Variants in AFG2A observed in about 807,000 individuals in gnomAD.
AFG2A encodes the protein ATPase family gene 2 protein homolog A.
At chr4:123,186,237 T>C in the AFG2A span, among the ~76,000 whole-genome samples, 163 of 152,352 alleles carry the variant, frequency 1.1e-3, no homozygotes, top group Middle Eastern at 0.01. Context: ...AAATAGATCA[T>C]TTATGTGTTT....
chr4:122,933,453 A>C, the AFG2A span: 2 of 1,612,514 alleles, frequency 1.2e-6, no homozygotes, highest in Non-Finnish European at 1.7e-6. Context: ...AAAGATATGG[A>C]AATTAATGAA....
At chr4:123,076,429 T>G in the AFG2A span, among the ~76,000 whole-genome samples, 4 of 152,212 alleles carry the variant, frequency 2.6e-5, no homozygotes. Context: ...TCTTTTAACT[T>G]AGTTATCTGT....
the AFG2A span, among the ~76,000 whole-genome samples, chr4:123,046,990 A>G: frequency 6.6e-6 from 1 of 152,150 alleles, no homozygotes; most frequent in Non-Finnish European, 1.5e-5. Context: ...TAATGGCTAA[A>G]TAATAATTGA....
the AFG2A span, among the ~76,000 whole-genome samples, chr4:123,071,922 A>G: frequency 6.6e-6 from 1 of 152,240 alleles, no homozygotes; most frequent in Non-Finnish European, 1.5e-5. Flanking sequence ...TTTCTTCAGT[A>G]CAGCTTCCTT....
chr4:123,105,689 G>A, the AFG2A span, among the ~76,000 whole-genome samples: 1 of 152,178 alleles, frequency 6.6e-6, no homozygotes, highest in Non-Finnish European at 1.5e-5. Flanking sequence ...CAAGACATCA[G>A]TGGAGGAAGT....
At chr4:122,929,987 G>GTGTT in the AFG2A span, among the ~76,000 whole-genome samples, 6 of 152,198 alleles carry the variant, frequency 3.9e-5, no homozygotes, top group Non-Finnish European at 7.3e-5. Context: ...ATATTTAGCA[G>GTGTT]TGTTTTTCAC....
At chr4:123,236,150 T>C in the AFG2A span, among the ~76,000 whole-genome samples, 1 of 152,154 alleles carries the variant, frequency 6.6e-6, no homozygotes, top group African/African-American at 2.4e-5. Flanking sequence ...ATACAAAATT[T>C]TTACACGTAA....
At chr4:123,006,978 G>A in the AFG2A span, among the ~76,000 whole-genome samples, 1 of 149,132 alleles carries the variant, frequency 6.7e-6, no homozygotes, top group African/African-American at 2.5e-5. Flanking sequence ...AGGAAACCAT[G>A]GTCTTGGGGG....
At chr4:123,021,459 T>G in the AFG2A span, among the ~76,000 whole-genome samples, 1 of 152,224 alleles carries the variant, frequency 6.6e-6, no homozygotes, top group African/African-American at 2.4e-5. Flanking sequence ...GTCTACTTCC[T>G]TGCTCTTCTT....
chr4:123,183,244 G>A, the AFG2A span, among the ~76,000 whole-genome samples: 1 of 152,046 alleles, frequency 6.6e-6, no homozygotes, highest in Non-Finnish European at 1.5e-5. Flanking sequence ...AAAAAGTAAA[G>A]GTAATACAGG....
the AFG2A span, among the ~76,000 whole-genome samples, chr4:122,953,704 G>A: frequency 6.6e-6 from 1 of 152,230 alleles, no homozygotes; most frequent in African/African-American, 2.4e-5. Context: ...TGTTTTCATA[G>A]TAGCTGTTCC....
At chr4:123,048,211 T>C in the AFG2A span, among the ~76,000 whole-genome samples, 1 of 152,216 alleles carries the variant, frequency 6.6e-6, no homozygotes, top group Non-Finnish European at 1.5e-5. Flanking sequence ...TTTGTTTCAT[T>C]GGTCTGTGTG....
At chr4:123,137,313 C>A in the AFG2A span, among the ~76,000 whole-genome samples, 1 of 152,180 alleles carries the variant, frequency 6.6e-6, no homozygotes, top group Non-Finnish European at 1.5e-5. Context: ...TTGGTCTATT[C>A]TTTTGGTTCC....
chr4:123,220,633 A>AAC, the AFG2A span, among the ~76,000 whole-genome samples: 2,884 of 147,692 alleles, frequency 0.02, 140 homozygotes, highest in African/African-American at 0.072. Flanking sequence ...AAAAAAAAAA[A>AAC]AAAACCTGGA....
At chr4:123,242,999 C>A in the AFG2A span, among the ~76,000 whole-genome samples, 2 of 152,162 alleles carry the variant, frequency 1.3e-5, no homozygotes, top group Non-Finnish European at 2.9e-5. Flanking sequence ...TGAAAAAATG[C>A]TCATCATCAC....
the AFG2A span, among the ~76,000 whole-genome samples, chr4:123,009,169 T>C: frequency 2.6e-5 from 4 of 152,304 alleles, no homozygotes; most frequent in East Asian, 3.9e-4. Context: ...CCTTTTCCAG[T>C]GGAGTCACAT....
At chr4:122,977,232 C>A in the AFG2A span, among the ~76,000 whole-genome samples, 1 of 152,202 alleles carries the variant, frequency 6.6e-6, no homozygotes, top group Non-Finnish European at 1.5e-5. Context: ...GCTTGTTCTG[C>A]CCACTTGGTC....
At chr4:123,024,299 C>T in the AFG2A span, among the ~76,000 whole-genome samples, 4 of 43,836 alleles carry the variant, frequency 9.1e-5, no homozygotes, top group Non-Finnish European at 3.6e-4. Flanking sequence ...AACGAACAGA[C>T]CCCCCAAAAA....
At chr4:122,932,600 A>AGAG in the AFG2A span, among the ~76,000 whole-genome samples, 1 of 152,170 alleles carries the variant, frequency 6.6e-6, no homozygotes. Context: ...CTTATGCACA[A>AGAG]GAGGAGGAGG....
Sources: gnomAD v4.1 joint callset for allele counts (sites outside exome capture counted in the v4.1 genomes callset) on GRCh38, gnomAD v4.1.1 for gene constraint, MANE v1.5 for transcripts, NCBI Gene and HGNC (gene_info 2026-07-23, HGNC 2026-07-21) for gene names.